ARHGAP6: variants seen among roughly 807,000 people sequenced by gnomAD.
ARHGAP6 encodes rho GTPase-activating protein 6.
A neutral mutation model predicts 55.7 loss-of-function variants in ARHGAP6; 16 were observed. That is an observed-to-expected ratio of 0.29 (90% confidence interval 0.19 to 0.44). ARHGAP6 has a LOEUF of 0.44. Ranked by LOEUF, ARHGAP6 falls within the 20% of genes least tolerant of loss-of-function variation. The pLI is 1.00. For missense variants in ARHGAP6, 698 were observed against 808.9 expected (o/e 0.86, Z 1.66); for synonymous variants, 382 against 360.9 (o/e 1.06, Z -0.66).
intron 1 of ARHGAP6, among the ~76,000 whole-genome samples, chrX:11,640,902 GAT>G (rs1216383124): frequency 9.0e-6 from 1 of 111,435 alleles, no homozygotes; most frequent in Non-Finnish European, 1.9e-5. Context: ...GTTTAATATT[GAT>G]GTGTTATTCT....
chrX:11,200,576 T>C (rs1209621897), intron 2 of ARHGAP6, among the ~76,000 whole-genome samples: 1 of 112,536 alleles, frequency 8.9e-6, no homozygotes, highest in African/African-American at 3.2e-5. Context: ...GAGACATGAT[T>C]TTTATGGATT....
intron 1 of ARHGAP6, among the ~76,000 whole-genome samples, chrX:11,350,876 G>GA (rs991861015): frequency 9.0e-6 from 1 of 110,501 alleles, no homozygotes; most frequent in South Asian, 3.9e-4. Context: ...GCTCCCGGGG[G>GA]AAAAAAATCT....
intron 1 of ARHGAP6, among the ~76,000 whole-genome samples, chrX:11,484,611 A>C (rs2050493192): frequency 9.0e-6 from 1 of 110,550 alleles, no homozygotes; most frequent in Admixed American, 9.6e-5. Context: ...AGAGGAAGAA[A>C]AGAAAAGAGA....
In ARHGAP6 at chrX:11,386,841, CAT is replaced by C. The variant is rs1214373061; in HGVS notation, c.589-132136_589-132135del. 1.4e-4 allele frequency among the ~76,000 whole-genome samples: 16 copies of C among 111,808 alleles called. No individual in the cohort carries two copies. In the Admixed American group the frequency reaches 1.5e-3, roughly 11 times the overall value. ...AATAGAGGCAAGTGATGGTGGTAAACATAGACAGGAACTGCGTATAATGATTT... is the reference window on the plus strand; with the variant it reads ...AATAGAGGCAAGTGATGGTGGTAAACAGACAGGAACTGCGTATAATGATTT... On this transcript the variant is annotated intron_variant, in intron 1 of 12. Transcript: ENST00000337414.
intron 1 of ARHGAP6, among the ~76,000 whole-genome samples, chrX:11,607,972 C>G (rs2052055429): frequency 8.9e-6 from 1 of 112,259 alleles, no homozygotes; most frequent in Non-Finnish European, 1.9e-5. Flanking sequence ...AGAATTAAGT[C>G]TGCAATCTGT....
intron 5 of ARHGAP6, among the ~76,000 whole-genome samples, chrX:11,182,618 C>CT (rs1478433621): frequency 1.9e-4 from 19 of 100,720 alleles, no homozygotes; most frequent in East Asian, 6.1e-4. Context: ...TTCTTTCTTT[C>CT]TTTTTTTTCC....
intron 1 of ARHGAP6, among the ~76,000 whole-genome samples, chrX:11,264,529 AT>A (rs1281859999): frequency 8.9e-6 from 1 of 111,781 alleles, no homozygotes; most frequent in South Asian, 3.8e-4. Context: ...TCCCAGTTGA[AT>A]TGTGGACTTT....
At chrX:11,544,732 C>T (rs758039900) in intron 1 of ARHGAP6, among the ~76,000 whole-genome samples, 19 of 111,860 alleles carry the variant, frequency 1.7e-4, no homozygotes, top group South Asian at 7.5e-4. Context: ...TTCTTTCTTG[C>T]GAATAAATTG....
chrX:11,140,412 C>T (rs1219090270), intron 12 of ARHGAP6, among the ~76,000 whole-genome samples: 7 of 76,513 alleles, frequency 9.1e-5, no homozygotes, highest in African/African-American at 3.1e-4. Flanking sequence ...AGTGAGACTC[C>T]GTCACAAAAA....
At chrX:11,498,349 C>T (rs1338536417) in intron 1 of ARHGAP6, among the ~76,000 whole-genome samples, 4 of 112,172 alleles carry the variant, frequency 3.6e-5, no homozygotes, top group African/African-American at 9.7e-5. Flanking sequence ...TGTTTACATG[C>T]AATGGATGAG....
intron 1 of ARHGAP6, among the ~76,000 whole-genome samples, chrX:11,447,842 T>C (rs753688179): frequency 8.9e-6 from 1 of 112,566 alleles, no homozygotes; most frequent in East Asian, 2.8e-4. Context: ...CATTGCAATT[T>C]TCATAAATAA....
chrX:11,288,711 T>C (rs1223664467), intron 1 of ARHGAP6, among the ~76,000 whole-genome samples: 1 of 111,959 alleles, frequency 8.9e-6, no homozygotes, highest in Non-Finnish European at 1.9e-5. Flanking sequence ...TCTGTTTCTA[T>C]GGATTTTGCC....
At chrX:11,396,231 T>A (rs1314574058) in intron 1 of ARHGAP6, among the ~76,000 whole-genome samples, 1 of 110,496 alleles carries the variant, frequency 9.1e-6, no homozygotes, top group East Asian at 2.9e-4. Flanking sequence ...TCAGGAACAC[T>A]TTAAAATTTC....
chrX:11,623,562 C>T (rs112813258), intron 1 of ARHGAP6, among the ~76,000 whole-genome samples: 15,082 of 107,524 alleles, frequency 0.14, 995 homozygotes, highest in Middle Eastern at 0.23. Context: ...CCGGGCATGG[C>T]GGCGGGCACC....
At chrX:11,357,164 C>G (rs1281572778) in intron 1 of ARHGAP6, among the ~76,000 whole-genome samples, 1 of 111,911 alleles carries the variant, frequency 8.9e-6, no homozygotes, top group Non-Finnish European at 1.9e-5. Context: ...GGCTTTTGAT[C>G]CTGTTGTCTC....
At chrX:11,203,267 C>A (rs2046657918) in intron 2 of ARHGAP6, among the ~76,000 whole-genome samples, 1 of 112,005 alleles carries the variant, frequency 8.9e-6, no homozygotes, top group African/African-American at 3.2e-5. Flanking sequence ...ACATCAATGG[C>A]TTTCAGAGGT....
At chrX:11,510,448 A>T (rs2050774884) in intron 1 of ARHGAP6, among the ~76,000 whole-genome samples, 1 of 111,284 alleles carries the variant, frequency 9.0e-6, no homozygotes, top group Admixed American at 9.6e-5. Context: ...GGCCAATGAC[A>T]TGGTAGCCAG....
intron 1 of ARHGAP6, among the ~76,000 whole-genome samples, chrX:11,539,717 C>T (rs2051138127): frequency 9.0e-6 from 1 of 111,510 alleles, no homozygotes; most frequent in Non-Finnish European, 1.9e-5. Flanking sequence ...CTACGGCCTC[C>T]CACTGTTTTA....
rs189689827 is a variant in ARHGAP6, at chrX:11,350,159, T to C, written c.589-95452A>G. ...TTCCCTTTTCTAGAAAATGAAAACA[T>C]TGGACGAGAATGATTTCAAATGGAC... On this transcript the variant is annotated intron_variant, in intron 1 of 12. Transcript: ENST00000337414. Among the ~76,000 whole-genome samples, 29 of 111,436 alleles carry C rather than the reference T, an allele frequency of 2.6e-4. No homozygotes were observed. The South Asian group carries it at 3.0e-3, about 12-fold the overall frequency.
Sources: gnomAD v4.1 joint callset for allele counts (sites outside exome capture counted in the v4.1 genomes callset) on GRCh38, gnomAD v4.1.1 for gene constraint, MANE v1.5 for transcripts, NCBI Gene and HGNC (gene_info 2026-07-23, HGNC 2026-07-21) for gene names.